The following EBF4 variants were observed in gnomAD, a reference collection of about 807,000 sequenced individuals.
EBF4 encodes EBF transcription factor 4.
In EBF4, 34 loss-of-function variants were observed where a neutral mutation model predicts 67.1. That is an observed-to-expected ratio of 0.51 (90% CI 0.39 to 0.67). The LOEUF is 0.67. Among genes scored for constraint, EBF4 ranks in the 30% least tolerant of loss-of-function variants. EBF4 has a pLI of 0.00. For missense variants in EBF4, 837 were observed against 873.3 expected (o/e 0.96, Z 0.52); for synonymous variants, 387 against 377.7 (o/e 1.02, Z -0.29).
At chr20:2,703,393 G>A (rs1174291211) in intron 1 of EBF4, among the ~76,000 whole-genome samples, 4 of 151,302 alleles carry the variant, frequency 2.6e-5, no homozygotes, top group East Asian at 2.0e-4. Flanking sequence ...CTATGATCAC[G>A]CCACTGCACT....
In EBF4 at chr20:2,740,111, A is replaced by G. The variant is rs1272847502; in HGVS notation, c.558-8438A>G. Among the ~76,000 whole-genome samples, 4 of 152,344 alleles carry G rather than the reference A, an allele frequency of 2.6e-5. No homozygotes were observed. The East Asian group carries it at 7.7e-4, about 29-fold the overall frequency. ...GTGGATCACCAGAGGTCAGGAGTTC[A>G]TGACCAGCCTGACCAATATGGTGAA... is the stretch of plus-strand genomic sequence containing the variant. On this transcript the variant is annotated intron_variant, in intron 6 of 16. Coordinates refer to ENST00000609451, the Ensembl canonical transcript of EBF4.
intron 15 of EBF4, among the ~76,000 whole-genome samples, chr20:2,758,539 G>A (rs1434299243): frequency 6.6e-6 from 1 of 152,200 alleles, no homozygotes; most frequent in Admixed American, 6.5e-5. Flanking sequence ...GAGGCACAGA[G>A]GATGCTGTTG....
chr20:2,709,429 A>C, intron 5 of EBF4, 145 bp from the exon 6 acceptor site: 1 of 655,034 alleles, frequency 1.5e-6, no homozygotes, highest in South Asian at 2.9e-5. Flanking sequence ...AAGCCCTGGG[A>C]GTGAGCCCCT....
In EBF4 at chr20:2,703,256, TAAAAA is replaced by T. The variant is rs58171984; in HGVS notation, c.138-2302_138-2298del. Among the ~76,000 whole-genome samples the T allele has an allele frequency of 9.2e-3, 1,047 of 114,116 alleles. 11 individuals are homozygous for T. The highest frequency in any genetic ancestry group is 0.03 in the African/African-American group (930 of 30,822). The allele number at this position is 114,116 out of a possible 152,430, so 74.9% of individuals were successfully genotyped here. On this transcript the variant is annotated intron_variant, in intron 1 of 16. Transcript: ENST00000609451. ...TGGACAACAGAGCAAGACCCTGTCT[TAAAAA>T]AAAAAAAAAAAAAAAAAAGTTACTC...
At chr20:2,752,295 G>A in intron 13 of EBF4, 32 bp downstream of exon 13, 1 of 1,209,352 alleles carries the variant, frequency 8.3e-7, no homozygotes, top group Non-Finnish European at 1.0e-6. Flanking sequence ...GCCGTCCTCG[G>A]GCGCCGCCAC....
At chr20:2,721,288 G>A (rs968585821) in intron 6 of EBF4, among the ~76,000 whole-genome samples, 16 of 115,982 alleles carry the variant, frequency 1.4e-4, no homozygotes, top group Non-Finnish European at 2.5e-4. Flanking sequence ...CTCTGTGTTC[G>A]TTCTGAATAG....
chr20:2,699,837 C>G (rs2087348784), intron 1 of EBF4, among the ~76,000 whole-genome samples: 1 of 152,234 alleles, frequency 6.6e-6, no homozygotes, highest in Non-Finnish European at 1.5e-5. Context: ...TGCCAAGCTG[C>G]ACTCAGGCCC....
chr20:2,753,064 C>T (rs1600246164), intron 14 of EBF4, among the ~76,000 whole-genome samples: 1 of 152,248 alleles, frequency 6.6e-6, no homozygotes, highest in Non-Finnish European at 1.5e-5. Flanking sequence ...GCAGAGCGAG[C>T]GAGTTCTGTG....
In EBF4 at chr20:2,707,234, G is replaced by A. The variant is rs945483215; in HGVS notation, c.415-713G>A. Among the ~76,000 whole-genome samples the A allele has an allele frequency of 3.3e-5, 5 of 152,144 alleles. No individual in the cohort carries two copies. The highest frequency in any genetic ancestry group is 4.8e-5 in the African/African-American group (2 of 41,410). On this transcript the variant is annotated intron_variant, in intron 4 of 16. Transcript: ENST00000609451. The surrounding 1 kb of genome is among the most constrained non-coding windows in gnomAD (Gnocchi z 4.6). ...TGCCTAGTGGAACTGTCAAGGGGAC[G>A]GGTGTGGAAGGGGTTCGAGGAAGTC...
At chr20:2,740,501 A>C (rs2087951792) in intron 6 of EBF4, among the ~76,000 whole-genome samples, 1 of 152,060 alleles carries the variant, frequency 6.6e-6, no homozygotes, top group Non-Finnish European at 1.5e-5. Flanking sequence ...TGGAAAATGC[A>C]CTCGGGCTCT....
At chr20:2,701,603 G>C (rs1346823082) in intron 1 of EBF4, among the ~76,000 whole-genome samples, 2 of 152,252 alleles carry the variant, frequency 1.3e-5, no homozygotes, top group Non-Finnish European at 2.9e-5. Flanking sequence ...TTTGGCCTGA[G>C]CACTTGCAGG....
chr20:2,746,044 T>C (rs1238040496), intron 6 of EBF4, among the ~76,000 whole-genome samples: 2 of 152,156 alleles, frequency 1.3e-5, no homozygotes, highest in Non-Finnish European at 2.9e-5. Flanking sequence ...CACGAGTACT[T>C]AATTTAAATG....
intron 6 of EBF4, among the ~76,000 whole-genome samples, chr20:2,743,998 G>GC (rs1321807169): frequency 6.6e-6 from 1 of 151,600 alleles, no homozygotes; most frequent in Non-Finnish European, 1.5e-5. Flanking sequence ...TCTTCTCCCT[G>GC]CCCCCCAACT....
chr20:2,757,998 A>G lies in EBF4; in HGVS notation c.1739-911A>G, dbSNP rs537141464. 1.1e-4 allele frequency among the ~76,000 whole-genome samples: 16 copies of G among 152,352 alleles called. No homozygotes were observed. In the South Asian group the frequency reaches 3.3e-3, roughly 32 times the overall value. ...ATAAATAACATACAAATATATGCCA[A>G]AGATTTATTTAACTCATCAGTGAGG... On this transcript the variant is annotated intron_variant, in intron 15 of 16. Transcript: ENST00000609451.
intron 6 of EBF4, 32 bp downstream of exon 6, chr20:2,709,674 A>C: frequency 6.6e-7 from 1 of 1,506,042 alleles, no homozygotes; most frequent in Non-Finnish European, 8.9e-7. Context: ...CTGGAAGCTC[A>C]GAGGAGAGTG....
At chr20:2,740,312 C>CA (rs145237186) in intron 6 of EBF4, among the ~76,000 whole-genome samples, 17,331 of 149,098 alleles carry the variant, frequency 0.12, 1,045 homozygotes, top group East Asian at 0.18. Flanking sequence ...GACTCCGTTT[C>CA]AAAAAAAAAA....
rs1568582320 is a variant in EBF4, at chr20:2,739,785, G to C, written c.558-8764G>C. Among the ~76,000 whole-genome samples, 1 of 152,204 alleles carries C rather than the reference G, an allele frequency of 6.6e-6. No individual in the cohort carries two copies. Among genetic ancestry groups the C allele is most frequent in the Non-Finnish European group, 1.5e-5 (1 of 68,038 alleles). ...AGGATAAAAATTAGCGGAGATCCCT[G>C]TCCCCTTATTTCCCCATCTCAGGCT... On this transcript the variant is annotated intron_variant, in intron 6 of 16. Coordinates refer to ENST00000609451, the Ensembl canonical transcript of EBF4. The surrounding 1 kb of genome is among the most constrained non-coding windows in gnomAD (Gnocchi z 4.5).
At position 2,706,053 on chromosome 20, in the gene EBF4, T is replaced by A. The variant is rs1395793722; in HGVS notation, c.358+16T>A. ...TATAACAATGGTGAGTGGAGGCCCC[T>A]GCCCTACCCAGCCCTGCCCCTGAAG... is the stretch of plus-strand genomic sequence containing the variant. On this transcript the variant is annotated intron_variant, in intron 3 of 16. Coordinates refer to ENST00000609451, the Ensembl canonical transcript of EBF4. 4 of 1,551,294 alleles carry A rather than the reference T, an allele frequency of 2.6e-6. No homozygotes were observed. In the Admixed American group the frequency reaches 5.9e-5, roughly 23 times the overall value.
intron 6 of EBF4, among the ~76,000 whole-genome samples, chr20:2,716,734 A>G (rs1237588873): frequency 6.6e-6 from 1 of 152,172 alleles, no homozygotes; most frequent in African/African-American, 2.4e-5. Context: ...TAAATAGCTC[A>G]TCCTTTCCCA....
Sources: gnomAD v4.1 joint callset for allele counts (sites outside exome capture counted in the v4.1 genomes callset) on GRCh38, gnomAD v4.1.1 for gene constraint, Gnocchi (gnomAD v3.1) non-coding constraint, MANE v1.5 for transcripts, NCBI Gene and HGNC (gene_info 2026-07-23, HGNC 2026-07-21) for gene names.